The following CACHD1 variants were observed in gnomAD, a reference collection of about 807,000 sequenced individuals.
CACHD1 encodes cache domain containing 1.
Under a neutral mutation model 138.7 loss-of-function variants are expected in CACHD1, and 71 were observed. The observed-to-expected ratio is 0.51, with a 90% CI of 0.42 to 0.62. The LOEUF (loss-of-function observed/expected upper bound fraction) is 0.62. Ranked by LOEUF, CACHD1 falls within the 20% of genes least tolerant of loss-of-function variation. The pLI is 0.00. For synonymous variants in CACHD1, 578 were observed against 591.5 expected, an observed-to-expected ratio of 0.98 and a Z score of 0.33; for missense variants, 1,389 against 1,625.3, an observed-to-expected ratio of 0.85 and a Z score of 2.50.
At position 64,691,512 on chromosome 1, in the gene CACHD1, A is replaced by C. The variant is rs1370222994; in HGVS notation, c.3776A>C (p.His1259Pro). Reference sequence around the variant, plus strand: ...CACCACCCTACACTTCATCATAGCCACCACTTACAGGCGGCCGTCACGGTA... The same window carrying C: ...CACCACCCTACACTTCATCATAGCCCCCACTTACAGGCGGCCGTCACGGTA... ...RSHHPTLHHS[H>P]HLQAAVTVHT... is the part of the protein sequence containing the mutation. Residue 1259 changes from histidine to proline, a missense_variant, in exon 27 of 27, where the codon CAC becomes CCC. By Grantham distance (77) the His-to-Pro change is moderately conservative. Transcript: ENST00000651257. 6.2e-7 allele frequency: 1 copy of C among 1,614,038 alleles called. No individual in the cohort carries two copies. Among genetic ancestry groups the C allele is most frequent in the Non-Finnish European group, 8.5e-7 (1 of 1,179,994 alleles).
At position 64,598,823 on chromosome 1, in the gene CACHD1, C is replaced by CAAATAAAAA. The variant is rs1281395082; in HGVS notation, c.411-3983_411-3982insAAATAAAAA. Among the ~76,000 whole-genome samples, 124 of 151,330 alleles carry CAAATAAAAA rather than the reference C, an allele frequency of 8.2e-4. 2 individuals are homozygous for CAAATAAAAA. In the East Asian group the frequency reaches 0.021, roughly 26 times the overall value. On this transcript the variant is annotated intron_variant, in intron 3 of 26. Transcript: ENST00000651257. ...TTTTAAATTTTATTGATGCAATGGT[C>CAAATAAAAA]TGAATGTTTGCCTTCTCTGTCCCAA...
intron 7 of CACHD1, among the ~76,000 whole-genome samples, chr1:64,636,132 A>G (rs1271313576): frequency 5.9e-5 from 9 of 151,922 alleles, no homozygotes; most frequent in Non-Finnish European, 1.2e-4. Context: ...AAATCTGTTT[A>G]TAGTTTTTTT....
chr1:64,517,268 T>A (rs1438262522), intron 1 of CACHD1, among the ~76,000 whole-genome samples: 3 of 152,202 alleles, frequency 2.0e-5, no homozygotes, highest in African/African-American at 7.2e-5. Flanking sequence ...TCATCAGTGA[T>A]CAAAACAGAC....
chr1:64,599,108 C>T (rs1647189265), intron 3 of CACHD1, among the ~76,000 whole-genome samples: 1 of 152,008 alleles, frequency 6.6e-6, no homozygotes, highest in Non-Finnish European at 1.5e-5. Context: ...AGTGGCCCCT[C>T]ACCAGACACT....
chr1:64,632,664 C>T lies in CACHD1; in HGVS notation c.710C>T (p.Ala237Val). The T allele has an allele frequency of 6.2e-7, 1 of 1,614,188 alleles. No homozygotes were observed. The highest frequency in any genetic ancestry group is 8.5e-7 in the Non-Finnish European group (1 of 1,180,034). ...KHIVVILDHG[A>V]SVTDTQLQIA... is the part of the protein sequence containing the mutation. ...ATAGTAGTGATTCTGGACCACGGGGCTTCAGTCACAGACACTCAGCTTCAG... is the reference window on the plus strand; with the variant it reads ...ATAGTAGTGATTCTGGACCACGGGGTTTCAGTCACAGACACTCAGCTTCAG... The change falls in exon 6 of 27, where the codon GCT (alanine) becomes GTT (valine). Residue 237 changes from alanine to valine, a missense_variant. Ala to Val is a moderately conservative substitution (Grantham distance 64). This residue lies in a region of CACHD1 where 1,000 missense variants were observed against 1,114.7 expected (regional missense o/e 0.90). Transcript: ENST00000651257.
intron 24 of CACHD1, 22 bp downstream of exon 24, chr1:64,679,778 C>G: frequency 6.2e-7 from 1 of 1,610,830 alleles, no homozygotes; most frequent in Non-Finnish European, 8.5e-7. Context: ...ATGAACCCCA[C>G]AGGGGAGGCA....
At chr1:64,623,211 G>C (rs1183297468) in intron 4 of CACHD1, among the ~76,000 whole-genome samples, 1 of 152,042 alleles carries the variant, frequency 6.6e-6, no homozygotes, top group Admixed American at 6.6e-5. Flanking sequence ...AGACCAGCCT[G>C]GCCAACATGG....
At chr1:64,616,060 G>T (rs968486873) in intron 4 of CACHD1, among the ~76,000 whole-genome samples, 3 of 152,152 alleles carry the variant, frequency 2.0e-5, no homozygotes, top group African/African-American at 7.2e-5. Flanking sequence ...CCCTGAGATA[G>T]ATTGCTTAAG....
intron 1 of CACHD1, among the ~76,000 whole-genome samples, chr1:64,548,127 T>C (rs970232814): frequency 1.4e-4 from 22 of 152,200 alleles, no homozygotes; most frequent in Non-Finnish European, 3.1e-4. Flanking sequence ...CTTCCGGGCA[T>C]ATATTCTTTA....
chr1:64,635,850 G>A (rs938557972), intron 7 of CACHD1, among the ~76,000 whole-genome samples: 13 of 151,938 alleles, frequency 8.6e-5, no homozygotes, highest in Admixed American at 8.5e-4. Flanking sequence ...GGTGGCTCAT[G>A]CCTGTAATCC....
At chr1:64,610,676 C>T (rs1188891726) in intron 4 of CACHD1, among the ~76,000 whole-genome samples, 1 of 152,240 alleles carries the variant, frequency 6.6e-6, no homozygotes, top group Non-Finnish European at 1.5e-5. Flanking sequence ...CACCTCCTGG[C>T]TCCTATCACG....
At chr1:64,479,534 G>A (rs1646196763) in intron 1 of CACHD1, among the ~76,000 whole-genome samples, 1 of 152,232 alleles carries the variant, frequency 6.6e-6, no homozygotes, top group Non-Finnish European at 1.5e-5. Context: ...CTAGTGGGAA[G>A]AAAGGGCATA....
intron 1 of CACHD1, among the ~76,000 whole-genome samples, chr1:64,509,212 C>T (rs946433937): frequency 1.3e-5 from 2 of 152,104 alleles, no homozygotes; most frequent in Non-Finnish European, 2.9e-5. Flanking sequence ...CTGTCATTAG[C>T]AAAAGGCTCT....
chr1:64,675,309 T>G, intron 19 of CACHD1, 92 bp from the exon 20 acceptor site: 1 of 951,474 alleles, frequency 1.1e-6, no homozygotes, highest in South Asian at 2.4e-5. Context: ...TTAAGCTATT[T>G]TTCGTAGGTA....
At chr1:64,643,002 G>A (rs1648770665) in intron 8 of CACHD1, among the ~76,000 whole-genome samples, 1 of 120,644 alleles carries the variant, frequency 8.3e-6, no homozygotes, top group African/African-American at 3.2e-5. Context: ...TTGCAGCACT[G>A]CACCCCAGCC....
At chr1:64,678,374 G>C in intron 23 of CACHD1, 64 bp downstream of exon 23, 1 of 1,432,174 alleles carries the variant, frequency 7.0e-7, no homozygotes, top group South Asian at 1.6e-5. Flanking sequence ...CTATATGCTA[G>C]GACATCTTAA....
intron 3 of CACHD1, among the ~76,000 whole-genome samples, chr1:64,594,488 T>C (rs1647134097): frequency 6.6e-6 from 1 of 152,132 alleles, no homozygotes; most frequent in South Asian, 2.1e-4. Flanking sequence ...CCTGCAGCAA[T>C]TTGTGCCATT....
At chr1:64,526,391 C>CT (rs71584454) in intron 1 of CACHD1, among the ~76,000 whole-genome samples, 13,983 of 151,010 alleles carry the variant, frequency 0.093, 870 homozygotes, top group Admixed American at 0.17. Context: ...CTGCAAGTGC[C>CT]TTTTTTTTTA....
At chr1:64,676,503 C>G (rs1463282741) in intron 21 of CACHD1, among the ~76,000 whole-genome samples, 1 of 152,132 alleles carries the variant, frequency 6.6e-6, no homozygotes, top group Non-Finnish European at 1.5e-5. Context: ...TGGTCTCACT[C>G]TGTTGCTCAG....
Sources: allele counts gnomAD v4.1 joint callset (sites outside exome capture counted in the v4.1 genomes callset), GRCh38; gene constraint gnomAD v4.1.1; regional missense constraint gnomAD v4.1.1; transcripts MANE v1.5; gene names NCBI Gene and HGNC (gene_info 2026-07-23, HGNC 2026-07-21).